INPP5A: variants seen among roughly 807,000 people sequenced by gnomAD.
INPP5A encodes inositol polyphosphate-5-phosphatase A.
INPP5A carries 14 observed loss-of-function variants against 65.2 expected under a neutral mutation model. The observed-to-expected ratio is 0.21, with a 90% confidence interval of 0.14 to 0.34. The LOEUF (loss-of-function observed/expected upper bound fraction) is 0.34, where lower values mean the gene tolerates loss of function less well. INPP5A is among the 10% of genes least tolerant of loss of function. The probability of loss-of-function intolerance (pLI) is 1.00; values close to 1 mark genes in which losing one functional copy is unlikely to be tolerated. For synonymous variants in INPP5A, 207 were observed against 208.3 expected, an observed-to-expected ratio of 0.99 and a Z score of 0.05; for missense variants, 431 against 545.6, an observed-to-expected ratio of 0.79 and a Z score of 2.09.
At chr10:132,750,059 C>T (rs1846446612) in intron 11 of INPP5A, among the ~76,000 whole-genome samples, 1 of 152,258 alleles carries the variant, frequency 6.6e-6, no homozygotes, top group African/African-American at 2.4e-5. Context: ...TATCACTGTC[C>T]TGTCCACGGG....
At chr10:132,567,744 A>C (rs1033653556) in intron 1 of INPP5A, among the ~76,000 whole-genome samples, 3 of 152,170 alleles carry the variant, frequency 2.0e-5, no homozygotes, top group African/African-American at 7.2e-5. Context: ...TTTTTATTCC[A>C]ATATCTGGTT....
intron 12 of INPP5A, among the ~76,000 whole-genome samples, chr10:132,767,437 A>C (rs1050824827): frequency 4.6e-5 from 7 of 152,134 alleles, no homozygotes; most frequent in African/African-American, 1.2e-4. Context: ...GTCCAGGGGA[A>C]GTTTTTGGAC....
chr10:132,775,162 G>A (rs1452345336), intron 12 of INPP5A, among the ~76,000 whole-genome samples: 1 of 40,182 alleles, frequency 2.5e-5, no homozygotes. Flanking sequence ...GAGGAGAGAG[G>A]GGCAGAGAGG....
chr10:132,619,328 A>G (rs946425626), intron 2 of INPP5A, among the ~76,000 whole-genome samples: 2 of 152,198 alleles, frequency 1.3e-5, no homozygotes, highest in Non-Finnish European at 1.5e-5. Context: ...CTCCAAAATC[A>G]TCTCCTCAGA....
chr10:132,692,004 GC>G (rs1177062513), intron 5 of INPP5A, among the ~76,000 whole-genome samples: 1 of 152,174 alleles, frequency 6.6e-6, no homozygotes, highest in African/African-American at 2.4e-5. Flanking sequence ...TATTCTCAGT[GC>G]CCCACACGGC....
At chr10:132,562,966 G>T (rs1247671351) in intron 1 of INPP5A, among the ~76,000 whole-genome samples, 1 of 152,248 alleles carries the variant, frequency 6.6e-6, no homozygotes, top group Non-Finnish European at 1.5e-5. Context: ...GGCCATGCCG[G>T]CTGCTCTGCA....
chr10:132,657,161 C>G (rs2133409875), intron 4 of INPP5A, among the ~76,000 whole-genome samples: 1 of 152,332 alleles, frequency 6.6e-6, no homozygotes, highest in South Asian at 2.1e-4. Flanking sequence ...GGCTCTTGGG[C>G]TCGGAGCAGA....
intron 9 of INPP5A, among the ~76,000 whole-genome samples, chr10:132,730,923 C>T (rs566992184): frequency 6.6e-6 from 1 of 152,214 alleles, no homozygotes; most frequent in Non-Finnish European, 1.5e-5. Flanking sequence ...GATAGAGCCG[C>T]GTGGCTATTC....
intron 11 of INPP5A, among the ~76,000 whole-genome samples, chr10:132,763,608 AAC>A (rs1275827183): frequency 7.4e-5 from 11 of 149,108 alleles, no homozygotes; most frequent in African/African-American, 1.7e-4. Context: ...CCTGCATGCA[AAC>A]ACACACATGC....
chr10:132,668,218 C>G (rs2072832572), intron 4 of INPP5A, among the ~76,000 whole-genome samples: 1 of 152,178 alleles, frequency 6.6e-6, no homozygotes. Context: ...GTGGCAGATC[C>G]CAGGCTCAGG....
chr10:132,652,954 G>A (rs977738429), intron 4 of INPP5A, among the ~76,000 whole-genome samples: 1 of 152,154 alleles, frequency 6.6e-6, no homozygotes, highest in Admixed American at 6.5e-5. Context: ...GCTCTGCACC[G>A]CAGGAGGACC....
rs539578049 is a variant in INPP5A, at chr10:132,783,423, G to A, written c.*1394G>A. On this transcript the variant is annotated 3_prime_UTR_variant, in exon 16 of 16. Transcript: ENST00000368594. ...GTTTCAGCTGTTGGTCGTTCTGAGG[G>A]GCCTTTGGAAGTGACCGGTCTGGTT... 1 of 152,518 alleles carries A rather than the reference G, an allele frequency of 6.6e-6. No individual in the cohort carries two copies. The highest frequency in any genetic ancestry group is 6.5e-5 in the Admixed American group (1 of 15,290). The allele number at this position is 152,518 out of a possible 1,614,324, so 9.4% of individuals were successfully genotyped here.
At chr10:132,701,968 G>A (rs1464672944) in intron 6 of INPP5A, among the ~76,000 whole-genome samples, 2 of 152,238 alleles carry the variant, frequency 1.3e-5, no homozygotes, top group African/African-American at 2.4e-5. Flanking sequence ...AGGGTGCATG[G>A]GACGCCCTCT....
intron 9 of INPP5A, 95 bp from the exon 10 acceptor site, chr10:132,749,422 C>A (rs1307957726): frequency 1.8e-6 from 2 of 1,135,992 alleles, no homozygotes; most frequent in Non-Finnish European, 2.6e-6. Flanking sequence ...TGTCTGGAAC[C>A]AGCCATCCTA....
At chr10:132,653,054 G>C (rs1021964247) in intron 4 of INPP5A, among the ~76,000 whole-genome samples, 2 of 152,196 alleles carry the variant, frequency 1.3e-5, no homozygotes, top group Non-Finnish European at 2.9e-5. Context: ...TCTCCAGCCA[G>C]AGCAGTGGTG....
intron 4 of INPP5A, among the ~76,000 whole-genome samples, chr10:132,652,262 T>TCG (rs2072587862): frequency 6.6e-6 from 1 of 152,154 alleles, no homozygotes; most frequent in Admixed American, 6.5e-5. Context: ...TGACTGAACT[T>TCG]GAAGACAGCC....
chr10:132,772,948 T>C (rs1846982903), intron 12 of INPP5A, among the ~76,000 whole-genome samples: 1 of 152,122 alleles, frequency 6.6e-6, no homozygotes, highest in Admixed American at 6.5e-5. Context: ...GGCAGCCACC[T>C]GCAGCGAGCC....
Position 132,682,794 on chromosome 10 carries a change from C to T in INPP5A, c.307-7598C>T, listed in dbSNP as rs11814756. Among the ~76,000 whole-genome samples, 413 of 152,024 alleles carry T rather than the reference C, an allele frequency of 2.7e-3. 4 individuals are homozygous for T. Among genetic ancestry groups the T allele is most frequent in the African/African-American group, 9.3e-3 (385 of 41,462 alleles). On this transcript the variant is annotated intron_variant, in intron 4 of 15. Coordinates refer to ENST00000368594, the MANE Select transcript of INPP5A (RefSeq NM_005539.5). Reference sequence around the variant, plus strand: ...TACATATGCACTCATGTTTAATCTACGTGTACACGTGTGTGATCCTATGTG... The same window carrying T: ...TACATATGCACTCATGTTTAATCTATGTGTACACGTGTGTGATCCTATGTG...
At chr10:132,735,855 T>G (rs1564990960) in intron 9 of INPP5A, among the ~76,000 whole-genome samples, 4 of 152,158 alleles carry the variant, frequency 2.6e-5, no homozygotes, top group Admixed American at 6.5e-5. Flanking sequence ...CCCTGGAGGC[T>G]CTCAGACCCC....
Sources: allele counts gnomAD v4.1 joint callset (sites outside exome capture counted in the v4.1 genomes callset), GRCh38; gene constraint gnomAD v4.1.1; transcripts MANE v1.5; gene names NCBI Gene and HGNC (gene_info 2026-07-23, HGNC 2026-07-21).